The following ATG7 variants were observed in gnomAD, a reference collection of about 807,000 sequenced individuals.
The protein encoded by ATG7 is autophagy related 7, also known as ubiquitin-like modifier-activating enzyme ATG7.
ATG7 carries 70 observed loss-of-function variants against 82.4 expected under a neutral mutation model. The observed-to-expected ratio is 0.85, with a 90% CI of 0.70 to 1.04. The LOEUF (loss-of-function observed/expected upper bound fraction) is 1.04. ATG7 is among the 50% of genes least tolerant of loss of function. The pLI is 0.00. For synonymous variants in ATG7, 287 were observed against 313.0 expected (o/e 0.92, Z 0.88); for missense variants, 792 against 864.3 (o/e 0.92, Z 1.05).
chr3:11,345,754 CT>C (rs1954439015), intron 13 of ATG7, among the ~76,000 whole-genome samples: 1 of 151,840 alleles, frequency 6.6e-6, no homozygotes, highest in Non-Finnish European at 1.5e-5. Context: ...TCGTAAATAT[CT>C]ACTTTTATCT....
chr3:11,516,146 T>C (rs1008099907), intron 20 of ATG7, among the ~76,000 whole-genome samples: 2 of 151,728 alleles, frequency 1.3e-5, no homozygotes, highest in African/African-American at 4.8e-5. Context: ...ATGGAAAGAA[T>C]GCATCCCCAA....
rs1031174985 is a variant in ATG7, at chr3:11,557,224, G to C, written c.*2381G>C. Reference sequence around the variant, plus strand: ...TGCTTCATCTAATTTCTAGTTAGTAGCTATTAATATAGCAAATAATAAATG... The same window carrying C: ...TGCTTCATCTAATTTCTAGTTAGTACCTATTAATATAGCAAATAATAAATG... On this transcript the variant is annotated 3_prime_UTR_variant, in exon 21 of 21. Transcript: ENST00000693202. 3 of 152,772 alleles carry C rather than the reference G, an allele frequency of 2.0e-5. No individual in the cohort carries two copies. Among genetic ancestry groups the C allele is most frequent in the African/African-American group, 7.2e-5 (3 of 41,454 alleles). The allele number at this position is 152,772 out of a possible 1,614,324, so 9.5% of individuals were successfully genotyped here. A position where few individuals can be genotyped will look rare whatever the true frequency, so the allele number is the denominator to read the frequency against.
At chr3:11,559,988 T>A (rs1345372372), downstream of ATG7, among the ~76,000 whole-genome samples, 1 of 152,100 alleles carries the variant, frequency 6.6e-6, no homozygotes, top group Non-Finnish European at 1.5e-5. Context: ...GAAATATGCC[T>A]AAGTGTGGAA....
chr3:11,391,210 A>T (rs191347362), intron 19 of ATG7, among the ~76,000 whole-genome samples: 1 of 152,312 alleles, frequency 6.6e-6, no homozygotes, highest in African/African-American at 2.4e-5. Flanking sequence ...TGGCCTCAAG[A>T]TGTGAGCAAA....
intron 19 of ATG7, among the ~76,000 whole-genome samples, chr3:11,408,816 A>G (rs1213844189): frequency 6.6e-6 from 1 of 152,180 alleles, no homozygotes; most frequent in East Asian, 1.9e-4. Flanking sequence ...CATTGGAATT[A>G]TGGGAGCTGC....
At chr3:11,380,862 C>A (rs942650700) in intron 19 of ATG7, among the ~76,000 whole-genome samples, 4 of 152,106 alleles carry the variant, frequency 2.6e-5, no homozygotes, top group Non-Finnish European at 4.4e-5. Context: ...TTTCGTGTAG[C>A]CTTCGTCTGT....
intron 3 of ATG7, among the ~76,000 whole-genome samples, chr3:11,293,530 CAA>C (rs34054325): frequency 5.4e-4 from 31 of 57,262 alleles, no homozygotes; most frequent in Admixed American, 8.4e-4. Context: ...GACTCTGTCT[CAA>C]AAAAAAAAAA....
intron 20 of ATG7, among the ~76,000 whole-genome samples, chr3:11,520,954 G>A (rs17034587): frequency 0.025 from 3,792 of 152,244 alleles, 64 homozygotes; most frequent in Middle Eastern, 0.041. Context: ...TGCACTTAAG[G>A]CTGCCTATTA....
chr3:11,381,753 T>C (rs2077917617), intron 19 of ATG7, among the ~76,000 whole-genome samples: 1 of 152,262 alleles, frequency 6.6e-6, no homozygotes, highest in African/African-American at 2.4e-5. Flanking sequence ...GCTATTCCCA[T>C]AGCGGTCACT....
intron 20 of ATG7, among the ~76,000 whole-genome samples, chr3:11,494,322 G>T (rs1181366645): frequency 1.3e-5 from 2 of 152,112 alleles, no homozygotes; most frequent in East Asian, 1.9e-4. Context: ...ATGGGTGAGG[G>T]GTCTGGTGTC....
chr3:11,446,309 C>CT (rs1360693103), intron 20 of ATG7, among the ~76,000 whole-genome samples: 1 of 151,886 alleles, frequency 6.6e-6, no homozygotes, highest in South Asian at 2.1e-4. Context: ...TAGAATAAGT[C>CT]TTTAACACCT....
chr3:11,350,562 A>G (rs1333933360), intron 14 of ATG7, among the ~76,000 whole-genome samples: 3 of 152,166 alleles, frequency 2.0e-5, no homozygotes, highest in Non-Finnish European at 1.5e-5. Context: ...CCTATGGTGG[A>G]AGGTTTAAGC....
Position 11,314,657 on chromosome 3 carries a change from C to T in ATG7, c.529-687C>T, listed in dbSNP as rs542949029. On this transcript the variant is annotated intron_variant, in intron 8 of 20. Transcript: ENST00000693202. ...TTAAATGGGTGAATTGGGCCAGGCA[C>T]GGTGGCTCACAACTATAGTGTAATT... Among the ~76,000 whole-genome samples, 16 of 152,186 alleles carry T rather than the reference C, an allele frequency of 1.1e-4. No individual in the cohort carries two copies. The East Asian group carries it at 2.1e-3, about 20-fold the overall frequency.
At position 11,352,304 on chromosome 3, in the gene ATG7, A is replaced by G. The variant is rs145810785; in HGVS notation, c.1284+4269A>G. ...CTTTGCTATTGTGAATAGTGCCGCA[A>G]TAAACATATGTGTGCATGTGTCTTT... On this transcript the variant is annotated intron_variant, in intron 14 of 20. Transcript: ENST00000693202. Among the ~76,000 whole-genome samples, 295 of 152,320 alleles carry G rather than the reference A, an allele frequency of 1.9e-3. 1 individual carries two copies. Among genetic ancestry groups the G allele is most frequent in the African/African-American group, 6.8e-3 (281 of 41,568 alleles).
At position 11,555,078 on chromosome 3, in the gene ATG7, C is replaced by G; in HGVS notation, c.*235C>G. The G allele has an allele frequency of 3.7e-6, 2 of 538,546 alleles. No homozygotes were observed. Among genetic ancestry groups the G allele is most frequent in the Non-Finnish European group, 6.5e-6 (2 of 308,350 alleles). The allele number at this position is 538,546 out of a possible 1,614,324, so 33.4% of individuals were successfully genotyped here. On this transcript the variant is annotated 3_prime_UTR_variant, in exon 21 of 21. Coordinates refer to ENST00000693202, the MANE Select transcript of ATG7 (RefSeq NM_001349232.2). The stretch of plus-strand genomic sequence containing the variant: ...CCTTGGCCTTGGCCTTGCTATTGAC[C>G]TGGGACTTGGTCCTCCATGCAGTTT...
At chr3:11,538,132 A>G (rs1031117405) in intron 20 of ATG7, among the ~76,000 whole-genome samples, 1 of 152,162 alleles carries the variant, frequency 6.6e-6, no homozygotes, top group Admixed American at 6.5e-5. Flanking sequence ...AACCTGACGG[A>G]AGGTTGGTGG....
rs974013559 is a variant in ATG7 at position 11,472,197 on chromosome 3, T to C, written c.2079+45271T>C. The stretch of plus-strand genomic sequence containing the variant: ...GAGTTCTAATGTAACCTCCACTAGA[T>C]CCAAGTTTTTAAAAATGTCAATAGC... On this transcript the variant is annotated intron_variant, in intron 20 of 20. Coordinates refer to ENST00000693202, the MANE Select transcript of ATG7 (RefSeq NM_001349232.2). Among the ~76,000 whole-genome samples, 5 of 152,292 alleles carry C rather than the reference T, an allele frequency of 3.3e-5. No individual in the cohort carries two copies. The East Asian group carries it at 9.6e-4, about 29-fold the overall frequency.
chr3:11,361,641 A>G (rs1401637525), intron 16 of ATG7, among the ~76,000 whole-genome samples: 1 of 152,192 alleles, frequency 6.6e-6, no homozygotes, highest in African/African-American at 2.4e-5. Context: ...ACTTATACTA[A>G]AAATTTATTT....
intron 20 of ATG7, among the ~76,000 whole-genome samples, chr3:11,497,662 T>C (rs766328400): frequency 2.6e-5 from 4 of 151,850 alleles, no homozygotes; most frequent in Non-Finnish European, 5.9e-5. Context: ...TCCCTCGAGA[T>C]ACAAAGCAGA....
Sources: gnomAD v4.1 joint callset for allele counts (sites outside exome capture counted in the v4.1 genomes callset) on GRCh38, gnomAD v4.1.1 for gene constraint, MANE v1.5 for transcripts, NCBI Gene and HGNC (gene_info 2026-07-23, HGNC 2026-07-21) for gene names.